Variants in VKORC1L1 observed in about 807,000 individuals in gnomAD.
VKORC1L1 encodes the protein vitamin K epoxide reductase complex subunit 1-like protein 1.
VKORC1L1 carries 2 observed loss-of-function variants against 18.9 expected under a neutral mutation model. The ratio of observed to expected loss-of-function variants is 0.11; its 90% confidence interval spans 0.04 to 0.33. VKORC1L1 has a LOEUF of 0.33. VKORC1L1 is among the 10% of genes least tolerant of loss of function. The pLI is 1.00. For missense variants in VKORC1L1, 123 were observed against 224.1 expected, an observed-to-expected ratio of 0.55 and a Z score of 2.88; for synonymous variants, 96 against 100.0, an observed-to-expected ratio of 0.96 and a Z score of 0.24.
In VKORC1L1 at chr7:65,904,330, G is replaced by A. The variant is rs145454283; in HGVS notation, c.194+30765G>A. Among the ~76,000 whole-genome samples, 294 of 152,158 alleles carry A rather than the reference G, an allele frequency of 1.9e-3. 2 individuals are homozygous for A. Among genetic ancestry groups the A allele is most frequent in the East Asian group, 7.2e-3 (37 of 5,168 alleles). ...TTCAACAAGGTTCAACAAGCCTCCC[G>A]AGTAGGTGGGATTTCAGGGGTGTGC... On this transcript the variant is annotated intron_variant, in intron 1 of 2. Coordinates refer to ENST00000360768, the MANE Select transcript of VKORC1L1 (RefSeq NM_173517.6).
chr7:65,886,480 A>ATT (rs1235232490), intron 1 of VKORC1L1, among the ~76,000 whole-genome samples: 2 of 152,206 alleles, frequency 1.3e-5, no homozygotes, highest in Non-Finnish European at 2.9e-5. Context: ...ATGTCGTACA[A>ATT]TATTGCAGCA....
Position 65,873,321 on chromosome 7 carries a change from G to C in VKORC1L1, c.-51G>C, listed in dbSNP as rs773757840. ...CGGCTGGGTCGGGCCCCGACGGGCG[G>C]CGGCGGCTGAGGTGGAGGCGGAGGG... On this transcript the variant is annotated 5_prime_UTR_variant, in exon 1 of 3. Transcript: ENST00000360768. The C allele has an allele frequency of 7.4e-7, 1 of 1,351,112 alleles. No homozygotes were observed. The highest frequency in any genetic ancestry group is 2.7e-5 in the Admixed American group (1 of 37,388). The allele number at this position is 1,351,112 out of a possible 1,614,324, so 83.7% of individuals were successfully genotyped here. A position where few individuals can be genotyped will look rare whatever the true frequency, so the allele number is the denominator to read the frequency against.
intron 1 of VKORC1L1, among the ~76,000 whole-genome samples, chr7:65,908,978 A>G (rs118157596): frequency 0.037 from 5,597 of 149,696 alleles, 160 homozygotes; most frequent in East Asian, 0.095. Context: ...AATAATATCA[A>G]TACAATACAG....
chr7:65,911,068 T>C (rs540399144), intron 1 of VKORC1L1, among the ~76,000 whole-genome samples: 121 of 152,310 alleles, frequency 7.9e-4, no homozygotes, highest in Non-Finnish European at 1.5e-3. Context: ...GAACTCAGTA[T>C]ATGAGGGCTC....
intron 1 of VKORC1L1, among the ~76,000 whole-genome samples, chr7:65,930,392 C>T (rs186890369): frequency 2.4e-4 from 36 of 152,296 alleles, no homozygotes; most frequent in Middle Eastern, 3.4e-3. Flanking sequence ...AAGCAAGGCT[C>T]GCTAGAAGTG....
intron 1 of VKORC1L1, among the ~76,000 whole-genome samples, chr7:65,934,342 T>G (rs188282201): frequency 1.6e-4 from 24 of 152,352 alleles, no homozygotes; most frequent in African/African-American, 4.8e-4. Context: ...TAAATCAAGC[T>G]ACTTAACATA....
the VKORC1L1 span, among the ~76,000 whole-genome samples, chr7:65,867,294 G>A: frequency 3.3e-5 from 5 of 152,118 alleles, no homozygotes; most frequent in Admixed American, 1.3e-4. Flanking sequence ...CCTACCTCTC[G>A]CTGGGTCTAT....
chr7:65,924,213 G>A (rs556863433), intron 1 of VKORC1L1, among the ~76,000 whole-genome samples: 2 of 152,254 alleles, frequency 1.3e-5, no homozygotes, highest in African/African-American at 4.8e-5. Context: ...AGCTTCCCAA[G>A]GTTTTTCAAG....
chr7:65,876,119 A>G (rs1788823570), intron 1 of VKORC1L1, among the ~76,000 whole-genome samples: 1 of 152,156 alleles, frequency 6.6e-6, no homozygotes, highest in African/African-American at 2.4e-5. Flanking sequence ...CTACAATAGA[A>G]ATGCTGATTT....
chr7:65,884,950 T>C (rs571869780), intron 1 of VKORC1L1, among the ~76,000 whole-genome samples: 5 of 152,364 alleles, frequency 3.3e-5, no homozygotes, highest in Non-Finnish European at 5.9e-5. Context: ...TTTTTCACAT[T>C]GATTTAGACG....
intron 1 of VKORC1L1, among the ~76,000 whole-genome samples, chr7:65,917,259 C>T (rs987962012): frequency 3.9e-5 from 6 of 152,162 alleles, no homozygotes; most frequent in Admixed American, 6.6e-5. Context: ...CCCCTTCCCT[C>T]CACCTTTTCT....
chr7:65,947,788 T>C (rs1005296501), intron 1 of VKORC1L1, among the ~76,000 whole-genome samples: 16 of 152,064 alleles, frequency 1.1e-4, no homozygotes, highest in Admixed American at 6.6e-4. Context: ...CTTCCAGGGT[T>C]CAAGTGATTC....
At position 65,873,142 on chromosome 7, in the gene VKORC1L1, C is replaced by T. The variant is rs1268899364; in HGVS notation, c.-230C>T. The T allele has an allele frequency of 2.8e-6, 1 of 361,844 alleles. No individual in the cohort carries two copies. Among genetic ancestry groups the T allele is most frequent in the Non-Finnish European group, 3.8e-6 (1 of 260,262 alleles). 22.4% of individuals were successfully genotyped at this position (361,844 alleles called of 1,614,324 possible). On this transcript the variant is annotated 5_prime_UTR_variant, in exon 1 of 3. Coordinates refer to ENST00000360768, the MANE Select transcript of VKORC1L1 (RefSeq NM_173517.6). ...CACCCCCTCCCTCCGCGCCCGCGCG[C>T]GCCTTCCCCGCCCCGTCCGCCTCAC...
At chr7:65,942,358 G>A (rs557114872) in intron 1 of VKORC1L1, among the ~76,000 whole-genome samples, 1 of 151,566 alleles carries the variant, frequency 6.6e-6, no homozygotes, top group African/African-American at 2.4e-5. Context: ...CTGACATGGT[G>A]GCGGGCACCT....
intron 1 of VKORC1L1, among the ~76,000 whole-genome samples, chr7:65,892,061 A>G (rs1789118445): frequency 6.6e-6 from 1 of 152,100 alleles, no homozygotes; most frequent in Non-Finnish European, 1.5e-5. Context: ...TGCCTGGCTT[A>G]TTTCTCTTAA....
chr7:65,954,394 A>G lies in VKORC1L1; in HGVS notation c.*94A>G. 1 of 1,345,894 alleles carries G rather than the reference A, an allele frequency of 7.4e-7. No homozygotes were observed. The highest frequency in any genetic ancestry group is 9.7e-7 in the Non-Finnish European group (1 of 1,027,786). The allele number at this position is 1,345,894 out of a possible 1,614,324, so 83.4% of individuals were successfully genotyped here. On this transcript the variant is annotated 3_prime_UTR_variant, in exon 3 of 3. Coordinates refer to ENST00000360768, the MANE Select transcript of VKORC1L1 (RefSeq NM_173517.6). ...ATTATTATTATTATTATTATTATTC[A>G]CAACAGACACTTTCCCTAAGAATCT...
intron 1 of VKORC1L1, among the ~76,000 whole-genome samples, chr7:65,911,476 C>T (rs543812062): frequency 1.3e-5 from 2 of 152,262 alleles, no homozygotes; most frequent in African/African-American, 4.8e-5. Flanking sequence ...ATACACCTCC[C>T]CATGTGAGCT....
intron 1 of VKORC1L1, among the ~76,000 whole-genome samples, chr7:65,881,096 C>T (rs1788921195): frequency 6.6e-6 from 1 of 152,138 alleles, no homozygotes; most frequent in African/African-American, 2.4e-5. Context: ...AAATCCAAAG[C>T]ATTTCAGCTC....
intron 1 of VKORC1L1, among the ~76,000 whole-genome samples, chr7:65,883,733 C>T (rs1480867126): frequency 5.3e-5 from 8 of 151,620 alleles, no homozygotes; most frequent in Non-Finnish European, 7.4e-5. Context: ...CTCCTGACCT[C>T]GTAATCTGCC....
Sources: gnomAD v4.1 joint callset for allele counts (sites outside exome capture counted in the v4.1 genomes callset) on GRCh38, gnomAD v4.1.1 for gene constraint, MANE v1.5 for transcripts, NCBI Gene and HGNC (gene_info 2026-07-23, HGNC 2026-07-21) for gene names.